The following ANKRD12 variants were observed in gnomAD, a reference collection of about 807,000 sequenced individuals.
The protein encoded by ANKRD12 is ankyrin repeat domain 12.
A neutral mutation model predicts 183.4 loss-of-function variants in ANKRD12; 85 were observed. The ratio of observed to expected loss-of-function variants is 0.46; its 90% CI spans 0.39 to 0.56. The LOEUF (loss-of-function observed/expected upper bound fraction) is 0.56. Ranked by LOEUF, ANKRD12 falls within the 20% of genes least tolerant of loss-of-function variation. ANKRD12 has a pLI of 0.00. For missense variants in ANKRD12, 2,405 were observed against 2,357.1 expected (o/e 1.02, Z -0.42); for synonymous variants, 914 against 800.2 (o/e 1.14, Z -2.40).
intron 1 of ANKRD12, among the ~76,000 whole-genome samples, chr18:9,143,065 C>T (rs531428723): frequency 6.6e-6 from 1 of 152,318 alleles, no homozygotes; most frequent in African/African-American, 2.4e-5. Context: ...TAAATCCTTT[C>T]TACCAGAGTT....
intron 2 of ANKRD12, among the ~76,000 whole-genome samples, chr18:9,186,390 TAAAG>T (rs1484617709): frequency 1.3e-5 from 2 of 152,196 alleles, no homozygotes; most frequent in African/African-American, 4.8e-5. Flanking sequence ...TTGGCTTACA[TAAAG>T]GGATGTATTT....
At chr18:9,268,400 G>A (rs2039420027) in intron 10 of ANKRD12, among the ~76,000 whole-genome samples, 5 of 152,192 alleles carry the variant, frequency 3.3e-5, no homozygotes, top group Admixed American at 3.3e-4. Context: ...GAATCCAGCA[G>A]CACATCAAGA....
intron 7 of ANKRD12, among the ~76,000 whole-genome samples, chr18:9,219,758 G>GAA (rs879484682): frequency 2.0e-5 from 2 of 101,772 alleles, no homozygotes; most frequent in Admixed American, 1.0e-4. Flanking sequence ...AGAAAGAAAA[G>GAA]AAAAAAAAAA....
At chr18:9,176,984 T>C (rs2033322771) in intron 1 of ANKRD12, among the ~76,000 whole-genome samples, 1 of 150,848 alleles carries the variant, frequency 6.6e-6, no homozygotes, top group African/African-American at 2.4e-5. Context: ...ATAGACTGTT[T>C]GGTCTGTAAG....
chr18:9,268,661 T>G (rs1229209665), intron 10 of ANKRD12, among the ~76,000 whole-genome samples: 2 of 152,122 alleles, frequency 1.3e-5, no homozygotes, highest in Admixed American at 1.3e-4. Flanking sequence ...CCACAGCCAA[T>G]ATCATACTGA....
At chr18:9,220,476 T>C (rs1393644334) in intron 7 of ANKRD12, among the ~76,000 whole-genome samples, 1 of 152,222 alleles carries the variant, frequency 6.6e-6, no homozygotes, top group East Asian at 1.9e-4. Context: ...AACACCTGGC[T>C]GCCTCTTTGA....
In ANKRD12 at chr18:9,256,635, A is replaced by T. The variant is rs549560546; in HGVS notation, c.3368A>T (p.Lys1123Ile). 6.2e-7 allele frequency: 1 copy of T among 1,606,604 alleles called. No homozygotes were observed. Among genetic ancestry groups the T allele is most frequent in the Admixed American group, 1.7e-5 (1 of 58,180 alleles). The change falls in exon 9 of 13, where the codon AAA becomes ATA. Residue 1123 changes from lysine (K) to isoleucine (I), a missense_variant. Lys to Ile is a moderately radical substitution (Grantham distance 102). This residue lies in a region of ANKRD12 where 1,983 missense variants were observed against 1,725.9 expected (regional missense o/e 1.15). Transcript: ENST00000262126. ...RNCLELKIKD[K>I]EKTKHTPTES... ...TGTTTAGAACTTAAAATAAAAGATA[A>T]AGAAAAAACAAAGCATACACCAACT...
intron 6 of ANKRD12, among the ~76,000 whole-genome samples, chr18:9,214,226 C>A (rs2035965285): frequency 6.6e-6 from 1 of 152,048 alleles, no homozygotes; most frequent in Admixed American, 6.6e-5. Flanking sequence ...CTATCACTTA[C>A]TACCATAAAA....
intron 1 of ANKRD12, among the ~76,000 whole-genome samples, chr18:9,140,508 A>G (rs555443456): frequency 1.2e-4 from 19 of 152,326 alleles, no homozygotes; most frequent in Non-Finnish European, 2.4e-4. Flanking sequence ...ATACTCATGC[A>G]TTCATAATCT....
intron 1 of ANKRD12, among the ~76,000 whole-genome samples, chr18:9,151,189 A>G (rs1257142568): frequency 3.3e-5 from 5 of 152,236 alleles, no homozygotes; most frequent in African/African-American, 7.2e-5. Context: ...CAGAAGCACA[A>G]CTATTTGTTT....
chr18:9,180,547 T>C (rs2144152359), intron 1 of ANKRD12, among the ~76,000 whole-genome samples: 1 of 152,276 alleles, frequency 6.6e-6, no homozygotes, highest in South Asian at 2.1e-4. Context: ...TATTTGTACA[T>C]TTTTTAATAT....
At position 9,208,532 on chromosome 18, in the gene ANKRD12, A is replaced by G. The variant is rs558065909; in HGVS notation, c.305-125A>G. ...CCCATTGTGCTTTTGTCTGGCTACT[A>G]CTAGTTCATATATTGTACACATTTC... On this transcript the variant is annotated intron_variant, in intron 4 of 12. Coordinates refer to ENST00000262126, the MANE Select transcript of ANKRD12 (RefSeq NM_015208.5). 1,554 of 663,816 alleles carry G rather than the reference A, an allele frequency of 2.3e-3. 1 individual carries two copies. Among genetic ancestry groups the G allele is most frequent in the Non-Finnish European group, 3.0e-3 (1,316 of 435,746 alleles). The allele number at this position is 663,816 out of a possible 1,614,324, so 41.1% of individuals were successfully genotyped here.
Position 9,255,855 on chromosome 18 carries a change from G to A in ANKRD12, c.2588G>A (p.Cys863Tyr), listed in dbSNP as rs1185278807. 3.8e-6 allele frequency: 6 copies of A among 1,588,710 alleles called. No individual in the cohort carries two copies. The Admixed American group carries it at 5.6e-5, about 15-fold the overall frequency. The change falls in exon 9 of 13, where the codon TGT becomes TAT. Residue 863 changes from cysteine (C) to tyrosine (Y), a missense_variant. Cys to Tyr is a radical substitution (Grantham distance 194). Transcript: ENST00000262126. ...SEKDKLDLSE[C>Y]VDKIKEKDKL... ...AAAGACAAATTAGATCTTAGTGAAT[G>A]TGTTGATAAAATAAAAGAAAAGGAC...
At chr18:9,206,212 C>A (rs1348495631) in intron 4 of ANKRD12, among the ~76,000 whole-genome samples, 1 of 151,952 alleles carries the variant, frequency 6.6e-6, no homozygotes, top group African/African-American at 2.4e-5. Context: ...GTAGACTATG[C>A]TAAATGAACA....
At chr18:9,187,182 T>C (rs932287387) in intron 2 of ANKRD12, among the ~76,000 whole-genome samples, 1 of 151,942 alleles carries the variant, frequency 6.6e-6, no homozygotes, top group Non-Finnish European at 1.5e-5. Flanking sequence ...ATGTGTGCTT[T>C]GGGGAGACCA....
intron 8 of ANKRD12, among the ~76,000 whole-genome samples, chr18:9,247,624 T>G (rs1490121472): frequency 6.6e-6 from 1 of 152,220 alleles, no homozygotes; most frequent in Non-Finnish European, 1.5e-5. Flanking sequence ...AAAATCTTTA[T>G]TGGTTAATAT....
intron 8 of ANKRD12, among the ~76,000 whole-genome samples, chr18:9,229,621 T>G (rs1460193816): frequency 2.0e-5 from 3 of 152,220 alleles, no homozygotes; most frequent in Non-Finnish European, 1.5e-5. Context: ...ATTATTGGTG[T>G]GTAAAAATGC....
At chr18:9,215,571 T>C (rs1598585593) in intron 6 of ANKRD12, among the ~76,000 whole-genome samples, 1 of 152,196 alleles carries the variant, frequency 6.6e-6, no homozygotes. Flanking sequence ...TAAGGAACTT[T>C]AAAGCTCATT....
At chr18:9,224,068 A>T (rs1338174801) in intron 8 of ANKRD12, among the ~76,000 whole-genome samples, 1 of 152,226 alleles carries the variant, frequency 6.6e-6, no homozygotes, top group African/African-American at 2.4e-5. Context: ...AATATAGCAG[A>T]ATGAAACCAG....
Sources: gnomAD v4.1 joint callset for allele counts (sites outside exome capture counted in the v4.1 genomes callset) on GRCh38, gnomAD v4.1.1 for gene constraint, gnomAD v4.1.1 regional missense constraint, MANE v1.5 for transcripts, NCBI Gene and HGNC (gene_info 2026-07-23, HGNC 2026-07-21) for gene names.